The following CNTNAP3 variants were observed in gnomAD, a reference collection of about 807,000 sequenced individuals.
CNTNAP3 encodes contactin associated protein family member 3.
Under a neutral mutation model 92.1 loss-of-function variants are expected in CNTNAP3, and 36 were observed. The ratio of observed to expected loss-of-function variants is 0.39; its 90% confidence interval spans 0.30 to 0.52. The LOEUF (loss-of-function observed/expected upper bound fraction) is 0.52. Among genes scored for constraint, CNTNAP3 ranks in the 20% least tolerant of loss-of-function variants. CNTNAP3 has a pLI of 0.76. For synonymous variants in CNTNAP3, 232 were observed against 422.3 expected, an observed-to-expected ratio of 0.55 and a Z score of 5.53; for missense variants, 534 against 1,069.6, an observed-to-expected ratio of 0.50 and a Z score of 6.98.
At chr9:39,138,796 A>G (rs908202856) in intron 12 of CNTNAP3, among the ~76,000 whole-genome samples, 1 of 152,212 alleles carries the variant, frequency 6.6e-6, no homozygotes, top group African/African-American at 2.4e-5. Flanking sequence ...CCCAAAGGTT[A>G]GTGCTTGTGG....
At chr9:39,111,072 C>T (rs1826737372) in intron 14 of CNTNAP3, among the ~76,000 whole-genome samples, 1 of 152,220 alleles carries the variant, frequency 6.6e-6, no homozygotes, top group African/African-American at 2.4e-5. Context: ...CAGAGTTGTA[C>T]ATATACTGGG....
chr9:39,133,106 C>A lies in CNTNAP3; in HGVS notation c.1906G>T (p.Gly636Cys), dbSNP rs1233222930. ...ADAAWTVVQHGGPDAVTLRGA... is the reference protein window; with the variant it reads ...ADAAWTVVQHCGPDAVTLRGA... ...CGGAGGGTCACCGCGTCGGGGCCAC[C>A]GTGCTGCACCACCGTCCACGCGGCG... Residue 636 changes from glycine to cysteine, a missense_variant, in exon 13 of 24, where the codon GGT becomes TGT. Physicochemically the swap from Gly to Cys is radical, Grantham distance 159. Transcript: ENST00000297668. 4 of 1,573,546 alleles carry A rather than the reference C, an allele frequency of 2.5e-6. No individual in the cohort carries two copies. Among genetic ancestry groups the A allele is most frequent in the Non-Finnish European group, 2.6e-6 (3 of 1,165,544 alleles).
intron 12 of CNTNAP3, 97 bp downstream of exon 12, chr9:39,140,422 T>C: frequency 6.6e-7 from 1 of 1,508,232 alleles, no homozygotes; most frequent in Admixed American, 2.2e-5. Context: ...ACTTAGCAAG[T>C]ACACACTATC....
At chr9:39,094,105 T>C (rs574116354) in intron 18 of CNTNAP3, among the ~76,000 whole-genome samples, 26 of 151,420 alleles carry the variant, frequency 1.7e-4, no homozygotes, top group Admixed American at 1.4e-3. Flanking sequence ...ACTTTTCGTT[T>C]GTATTTCTTT....
chr9:39,170,067 G>T (rs1822230152), intron 8 of CNTNAP3, among the ~76,000 whole-genome samples: 1 of 318 alleles, frequency 3.1e-3, no homozygotes, highest in Admixed American at 0.019. Flanking sequence ...ACCTTTCTTG[G>T]AAAAAATCTT....
intron 12 of CNTNAP3, among the ~76,000 whole-genome samples, chr9:39,138,623 T>C (rs1020283644): frequency 1.3e-5 from 2 of 152,196 alleles, no homozygotes; most frequent in Non-Finnish European, 2.9e-5. Flanking sequence ...TTCTCCAACA[T>C]TCACTGTGAG....
At chr9:39,106,000 C>T (rs867589580) in intron 15 of CNTNAP3, among the ~76,000 whole-genome samples, 1 of 152,122 alleles carries the variant, frequency 6.6e-6, no homozygotes, top group East Asian at 1.9e-4. Context: ...TCCTCCTTCC[C>T]ACATGTATAA....
chr9:39,119,800 A>G (rs987549119), intron 13 of CNTNAP3, among the ~76,000 whole-genome samples: 1 of 152,182 alleles, frequency 6.6e-6, no homozygotes, highest in Non-Finnish European at 1.5e-5. Context: ...TTAGGACCCC[A>G]GGACTGGAAG....
intron 14 of CNTNAP3, among the ~76,000 whole-genome samples, chr9:39,114,227 C>A (rs543255472): frequency 6.6e-6 from 1 of 151,710 alleles, no homozygotes; most frequent in South Asian, 2.1e-4. Context: ...GGACTACAGG[C>A]GCCCACCACC....
intron 13 of CNTNAP3, among the ~76,000 whole-genome samples, chr9:39,128,406 T>C (rs1821199488): frequency 2.0e-5 from 3 of 151,930 alleles, no homozygotes; most frequent in Admixed American, 1.3e-4. Flanking sequence ...TATGGCAAAA[T>C]GGGAGTTGCT....
At chr9:39,111,053 T>C (rs921325239) in intron 14 of CNTNAP3, among the ~76,000 whole-genome samples, 10 of 152,182 alleles carry the variant, frequency 6.6e-5, no homozygotes, top group Non-Finnish European at 4.4e-5. Context: ...AAAAATTAAA[T>C]TGGCATGTCA....
chr9:39,149,882 C>T lies in CNTNAP3; in HGVS notation c.1573G>A (p.Asp525Asn), dbSNP rs746214414. ...GCCCCCTGCTGTACTAAGATGGGAT[C>T]CACCGCTTTGTCACCAATGGTGATG... ...RLITIGDKAV[D>N]PILVQQGALG... is the part of the protein sequence containing the mutation. Residue 525 changes from aspartate to asparagine, a missense_variant, in exon 10 of 24, where the codon GAT becomes AAT. By Grantham distance (23) the Asp-to-Asn change is conservative (BLOSUM62 1). Transcript: ENST00000297668. 1.2e-6 allele frequency: 2 copies of T among 1,606,326 alleles called. No individual in the cohort carries two copies. The highest frequency in any genetic ancestry group is 2.2e-5 in the East Asian group (1 of 44,814).
At chr9:39,111,749 T>C (rs1019643173) in intron 14 of CNTNAP3, among the ~76,000 whole-genome samples, 2 of 152,110 alleles carry the variant, frequency 1.3e-5, no homozygotes, top group African/African-American at 4.8e-5. Context: ...TCACGGGAGC[T>C]CCAAGTTTCA....
chr9:39,085,114 G>A (rs1399187960), intron 21 of CNTNAP3: 2 of 145,256 alleles, frequency 1.4e-5, no homozygotes, highest in African/African-American at 5.2e-5. Flanking sequence ...ACTTTCCTCA[G>A]TTCCTTTATT....
chr9:39,109,382 T>C, intron 14 of CNTNAP3, 95 bp from the exon 15 acceptor site: 14 of 1,546,714 alleles, frequency 9.1e-6, no homozygotes, highest in East Asian at 2.4e-5. Context: ...ACCAACATCA[T>C]AGAGCTTAAC....
intron 13 of CNTNAP3, among the ~76,000 whole-genome samples, chr9:39,120,788 A>G (rs1448769097): frequency 2.6e-5 from 4 of 152,234 alleles, no homozygotes; most frequent in Non-Finnish European, 5.9e-5. Flanking sequence ...AAAGGAAAAT[A>G]TAACAAAGGA....
intron 4 of CNTNAP3, among the ~76,000 whole-genome samples, chr9:39,184,323 A>G (rs551142273): frequency 6.9e-6 from 1 of 144,284 alleles, no homozygotes; most frequent in East Asian, 2.0e-4. Flanking sequence ...TTTAGCTTAG[A>G]AGAATGCCAA....
At chr9:39,140,465 G>T (rs1489691148) in intron 12 of CNTNAP3, 54 bp downstream of exon 12, 1 of 1,593,308 alleles carries the variant, frequency 6.3e-7, no homozygotes, top group Non-Finnish European at 8.5e-7. Context: ...TGCCAACTAG[G>T]TAAATTTCTC....
In CNTNAP3 at chr9:39,117,875, C is replaced by T. The variant is rs370885073; in HGVS notation, c.2237+228G>A. 1.4e-4 allele frequency: 139 copies of T among 971,094 alleles called. 1 individual carries two copies. In the East Asian group the frequency reaches 1.5e-3, roughly 10 times the overall value. The allele number at this position is 971,094 out of a possible 1,614,324, so 60.2% of individuals were successfully genotyped here. On this transcript the variant is annotated intron_variant, in intron 14 of 23. Transcript: ENST00000297668. ...AAACTTAACAGCTGTTTCTCTTTTA[C>T]GAAAAATAAAAAACACATTATATAG... is the stretch of plus-strand genomic sequence containing the variant.
Sources: allele counts gnomAD v4.1 joint callset (sites outside exome capture counted in the v4.1 genomes callset), GRCh38; gene constraint gnomAD v4.1.1; transcripts MANE v1.5; gene names NCBI Gene and HGNC (gene_info 2026-07-23, HGNC 2026-07-21).